NXPH1: variants seen among roughly 807,000 people sequenced by gnomAD.
NXPH1 encodes neurexophilin-1.
NXPH1 carries 5 observed loss-of-function variants against 23.7 expected under a neutral mutation model. The observed-to-expected ratio is 0.21, with a 90% CI of 0.11 to 0.44. The LOEUF is 0.44. NXPH1 is among the 20% of genes least tolerant of loss of function. The probability of loss-of-function intolerance (pLI) is 0.99; values close to 1 mark genes in which losing one functional copy is unlikely to be tolerated. For synonymous variants in NXPH1, 144 were observed against 122.2 expected (o/e 1.18, Z -1.18); for missense variants, 324 against 321.6 (o/e 1.01, Z -0.06).
rs77980647 is a variant in NXPH1 at position 8,555,250 on chromosome 7, G to C, written c.54+119483G>C. ...TTATTTTCTGCTCAGCACTCCATTGGAGGCTGCATTTGTGAATCAACTAAG... is the reference window on the plus strand; with the variant it reads ...TTATTTTCTGCTCAGCACTCCATTGCAGGCTGCATTTGTGAATCAACTAAG... On this transcript the variant is annotated intron_variant, in intron 2 of 2. Transcript: ENST00000405863. 5.1e-3 allele frequency among the ~76,000 whole-genome samples: 775 copies of C among 151,790 alleles called. 3 individuals carry two copies. The highest frequency in any genetic ancestry group is 0.018 in the African/African-American group (730 of 41,492).
rs561934370 is a variant in NXPH1, at chr7:8,449,174, G to A, written c.54+13407G>A. Among the ~76,000 whole-genome samples the A allele has an allele frequency of 2.0e-5, 3 of 152,322 alleles. No homozygotes were observed. The South Asian group carries it at 6.2e-4, about 32-fold the overall frequency. On this transcript the variant is annotated intron_variant, in intron 2 of 2. Transcript: ENST00000405863. ...TCATTCTAGCTGAATATCTGAGTGT[G>A]ACACATTAACTCCCTGGAAGGACTT... is the stretch of plus-strand genomic sequence containing the variant.
intron 2 of NXPH1, among the ~76,000 whole-genome samples, chr7:8,597,621 G>A (rs2128626633): frequency 6.7e-6 from 1 of 149,722 alleles, no homozygotes; most frequent in East Asian, 2.0e-4. Flanking sequence ...TCAGTCATCA[G>A]AGTTGTCTAA....
chr7:8,585,214 A>G (rs1021124316), intron 2 of NXPH1, among the ~76,000 whole-genome samples: 1 of 152,162 alleles, frequency 6.6e-6, no homozygotes, highest in Non-Finnish European at 1.5e-5. Flanking sequence ...CTGTGTTTTT[A>G]AAATATAAAG....
intron 2 of NXPH1, among the ~76,000 whole-genome samples, chr7:8,656,108 A>G (rs954626187): frequency 2.0e-5 from 3 of 152,214 alleles, no homozygotes; most frequent in African/African-American, 7.2e-5. Context: ...TAAGTGATTT[A>G]TATCATTGGC....
chr7:8,694,310 T>C (rs1257354064), intron 2 of NXPH1, among the ~76,000 whole-genome samples: 3 of 152,232 alleles, frequency 2.0e-5, no homozygotes, highest in Non-Finnish European at 4.4e-5. Flanking sequence ...TTGACACCCA[T>C]GTCAGGGATG....
At chr7:8,736,457 C>G (rs958971063) in intron 2 of NXPH1, among the ~76,000 whole-genome samples, 1 of 152,158 alleles carries the variant, frequency 6.6e-6, no homozygotes, top group African/African-American at 2.4e-5. Context: ...GTTTCTTAAT[C>G]TTGAGTTCTA....
chr7:8,557,582 A>C (rs915640802), intron 2 of NXPH1, among the ~76,000 whole-genome samples: 10 of 151,728 alleles, frequency 6.6e-5, no homozygotes, highest in Admixed American at 5.3e-4. Flanking sequence ...TTGATGACAG[A>C]ATAATTTACT....
At chr7:8,577,965 T>A (rs947672533) in intron 2 of NXPH1, among the ~76,000 whole-genome samples, 3 of 152,176 alleles carry the variant, frequency 2.0e-5, no homozygotes, top group Admixed American at 6.5e-5. Flanking sequence ...TTCAGATGAC[T>A]GCAGTCCCAG....
chr7:8,591,306 A>G (rs1583176870), intron 2 of NXPH1, among the ~76,000 whole-genome samples: 1 of 152,052 alleles, frequency 6.6e-6, no homozygotes, highest in Non-Finnish European at 1.5e-5. Context: ...AATTTACTCA[A>G]TGACACAGAG....
intron 2 of NXPH1, among the ~76,000 whole-genome samples, chr7:8,531,123 G>T (rs1817942813): frequency 6.6e-6 from 1 of 152,086 alleles, no homozygotes. Flanking sequence ...TTCCTTCTTG[G>T]CAAGTGGAGA....
At chr7:8,453,157 G>A (rs1816535660) in intron 2 of NXPH1, among the ~76,000 whole-genome samples, 1 of 152,088 alleles carries the variant, frequency 6.6e-6, no homozygotes, top group South Asian at 2.1e-4. Context: ...AGGAGAGGGG[G>A]AAAGGGGAGA....
chr7:8,578,122 A>G (rs757803195), intron 2 of NXPH1, among the ~76,000 whole-genome samples: 7 of 152,202 alleles, frequency 4.6e-5, no homozygotes, highest in Non-Finnish European at 8.8e-5. Context: ...GATTTGTTAC[A>G]CTGCAGTAGA....
intron 2 of NXPH1, among the ~76,000 whole-genome samples, chr7:8,629,834 G>A (rs1045602050): frequency 2.0e-5 from 3 of 152,182 alleles, no homozygotes; most frequent in South Asian, 4.1e-4. Flanking sequence ...AAAGTGGGGA[G>A]TTTAGAAATT....
chr7:8,562,684 C>T (rs28590478), intron 2 of NXPH1, among the ~76,000 whole-genome samples: 14,760 of 151,416 alleles, frequency 0.097, 2,392 homozygotes, highest in African/African-American at 0.34. Context: ...AGATAATATC[C>T]TAATGGATAT....
chr7:8,483,005 G>A (rs915082185), intron 2 of NXPH1, among the ~76,000 whole-genome samples: 5 of 152,188 alleles, frequency 3.3e-5, no homozygotes, highest in African/African-American at 9.7e-5. Flanking sequence ...ATAAACAAAT[G>A]GGTGTGGATT....
At chr7:8,637,586 C>T (rs867138155) in intron 2 of NXPH1, among the ~76,000 whole-genome samples, 1 of 152,086 alleles carries the variant, frequency 6.6e-6, no homozygotes, top group Non-Finnish European at 1.5e-5. Context: ...GATTAACCTG[C>T]TTTTACATGA....
chr7:8,438,327 A>G (rs955791329), intron 2 of NXPH1, among the ~76,000 whole-genome samples: 2 of 152,370 alleles, frequency 1.3e-5, no homozygotes, highest in African/African-American at 4.8e-5. Context: ...ATCCCTTTGT[A>G]AGAACCTGCA....
At chr7:8,715,771 C>T (rs80321112) in intron 2 of NXPH1, among the ~76,000 whole-genome samples, 1 of 151,940 alleles carries the variant, frequency 6.6e-6, no homozygotes, top group Non-Finnish European at 1.5e-5. Context: ...CAAAAGACTA[C>T]GGGTGTGGGA....
intron 2 of NXPH1, among the ~76,000 whole-genome samples, chr7:8,464,831 G>A (rs735032): frequency 0.59 from 90,310 of 152,010 alleles, 29,479 homozygotes; most frequent in African/African-American, 0.87. Context: ...TCATATAGCA[G>A]GTGTATCACT....
Sources: allele counts gnomAD v4.1 joint callset (sites outside exome capture counted in the v4.1 genomes callset), GRCh38; gene constraint gnomAD v4.1.1; transcripts MANE v1.5; gene names NCBI Gene and HGNC (gene_info 2026-07-23, HGNC 2026-07-21).